PLIN5: variants seen among roughly 807,000 people sequenced by gnomAD.
PLIN5 encodes the protein perilipin-5.
In PLIN5, 34 loss-of-function variants were observed where a neutral mutation model predicts 32.8. That is an observed-to-expected ratio of 1.04 (90% CI 0.79 to 1.38). PLIN5 has a LOEUF of 1.38. PLIN5 is among the 40% of genes most tolerant of loss of function. The pLI, the probability that PLIN5 is intolerant of heterozygous loss-of-function variation, is 0.00. For synonymous variants in PLIN5, 309 were observed against 292.9 expected (o/e 1.05, Z -0.56); for missense variants, 712 against 660.5 (o/e 1.08, Z -0.85).
chr19:4,527,538 CAAA>C (rs1176219746), intron 5 of PLIN5, among the ~76,000 whole-genome samples: 93 of 29,664 alleles, frequency 3.1e-3, no homozygotes, highest in African/African-American at 0.011. Context: ...GACTCCACTT[CAAA>C]AAAAAAAAAA....
In PLIN5 at chr19:4,524,986, G is replaced by C; in HGVS notation, c.811C>G (p.Pro271Ala). The C allele has an allele frequency of 6.5e-7, 1 of 1,529,018 alleles. No homozygotes were observed. The highest frequency in any genetic ancestry group is 8.8e-7 in the Non-Finnish European group (1 of 1,138,332). 94.7% of individuals were successfully genotyped at this position (1,529,018 alleles called of 1,614,324 possible). A position where few individuals can be genotyped will look rare whatever the true frequency, so the allele number is the denominator to read the frequency against. Residue 271 changes from proline to alanine, a missense_variant, in exon 7 of 8, where the codon CCG (proline) becomes GCG (alanine). Physicochemically the swap from Pro to Ala is conservative, Grantham distance 27. Coordinates refer to ENST00000381848, the MANE Select transcript of PLIN5 (RefSeq NM_001013706.3). ...ACCTGGCTCCGGCGGCGGCTCTCCG[G>C]AGGGCGCTGGCCCCATTCCCCCCAC... ...ELWGEWGQRP[P>A]ESRRRSQAEL...
At position 4,529,154 on chromosome 19, in the gene PLIN5, C is replaced by T. The variant is rs201819147; in HGVS notation, c.439G>A (p.Val147Met). 2.5e-4 allele frequency: 407 copies of T among 1,613,344 alleles called. No individual in the cohort carries two copies. Among genetic ancestry groups the T allele is most frequent in the African/African-American group, 1.9e-4 (14 of 75,028 alleles). The stretch of plus-strand genomic sequence containing the variant: ...AGTACAACATCCACAGCATGGCTCA[C>T]GGAGCGCTTCAGCTCCACGCTCCAG... ...RRWSVELKRS[V>M]SHAVDVVLEK... Residue 147 changes from valine to methionine, a missense_variant, in exon 5 of 8, where the codon GTG becomes ATG. Physicochemically the swap from Val to Met is conservative, Grantham distance 21. Transcript: ENST00000381848.
chr19:4,523,801 C>T lies in PLIN5; in HGVS notation c.1119G>A (p.Trp373Ter), dbSNP rs1469964908. The T allele has an allele frequency of 6.3e-7, 1 of 1,596,316 alleles. No individual in the cohort carries two copies. Residue 373 changes from tryptophan (W) to a stop codon, truncating the protein, a stop_gained, in exon 8 of 8, where the codon TGG (tryptophan) becomes TGA (stop). Coordinates refer to ENST00000381848, the MANE Select transcript of PLIN5 (RefSeq NM_001013706.3). LOFTEE classifies it low-confidence loss of function (END_TRUNC). The surrounding 1 kb of genome is among the most constrained non-coding windows in gnomAD (Gnocchi z 5.0). Reference protein sequence around the residue: ...ELVVQAVPLPWLVGPFAPILV... With the variant: ...ELVVQAVPLP ...GGATGGGCGCGAAGGGTCCCACCAG[C>T]CAGGGCAGCGGCACGGCCTGCACCA...
chr19:4,526,268 C>T (rs936029761), intron 5 of PLIN5, among the ~76,000 whole-genome samples: 2 of 152,088 alleles, frequency 1.3e-5, no homozygotes, highest in African/African-American at 4.8e-5. Context: ...GTCCCCTAGG[C>T]TGGAGTGCAG....
At position 4,529,451 on chromosome 19, in the gene PLIN5, C is replaced by T. The variant is rs145830985; in HGVS notation, c.340-198G>A. On this transcript the variant is annotated intron_variant, in intron 4 of 7. Transcript: ENST00000381848. ...GAGTTAACTGCCCTTACTAGCAATA[C>T]ATATGTATACACACATACATATACA... The T allele has an allele frequency of 2.2e-3, 1,334 of 593,704 alleles. 21 individuals are homozygous for T. In the East Asian group the frequency reaches 0.032, roughly 14 times the overall value. 36.8% of individuals were successfully genotyped at this position (593,704 alleles called of 1,614,324 possible).
intron 7 of PLIN5, among the ~76,000 whole-genome samples, chr19:4,524,599 G>A (rs375423270): frequency 1.1e-4 from 17 of 152,136 alleles, no homozygotes; most frequent in East Asian, 9.6e-4. Flanking sequence ...TGGTTTCTAG[G>A]CTATAGGTTC....
At chr19:4,530,120 GGA>G (rs777943544) in intron 3 of PLIN5, among the ~76,000 whole-genome samples, 8 of 152,270 alleles carry the variant, frequency 5.3e-5, no homozygotes, top group Non-Finnish European at 7.4e-5. Context: ...TGTGGCGCCT[GGA>G]GAGAGAGTCT....
At position 4,525,010 on chromosome 19, in the gene PLIN5, A is replaced by C. The variant is rs995520124; in HGVS notation, c.787T>G (p.Trp263Gly). The change falls in exon 7 of 8, where the codon TGG becomes GGG. Residue 263 changes from tryptophan (W) to glycine (G), a missense_variant. By Grantham distance (184) the Trp-to-Gly change is radical (BLOSUM62 -2). Transcript: ENST00000381848. The surrounding 1 kb of genome is among the most constrained non-coding windows in gnomAD (Gnocchi z 5.6). ...PACPGKVHEL[W>G]GEWGQRPPES... ...GGAGGGCGCTGGCCCCATTCCCCCCACAGCTCGTGCACCTTCCCAGGGCAG... is the reference window on the plus strand; with the variant it reads ...GGAGGGCGCTGGCCCCATTCCCCCCCCAGCTCGTGCACCTTCCCAGGGCAG... The C allele has an allele frequency of 1.3e-6, 2 of 1,510,536 alleles. No homozygotes were observed. The highest frequency in any genetic ancestry group is 1.8e-6 in the Non-Finnish European group (2 of 1,129,848). The allele number at this position is 1,510,536 out of a possible 1,614,324, so 93.6% of individuals were successfully genotyped here.
chr19:4,524,603 T>C (rs978380410), intron 7 of PLIN5, among the ~76,000 whole-genome samples: 1 of 151,838 alleles, frequency 6.6e-6, no homozygotes, highest in Non-Finnish European at 1.5e-5. Context: ...TTCTAGGCTA[T>C]AGGTTCAGGG....
intron 7 of PLIN5, 56 bp from the exon 8 acceptor site, chr19:4,524,141 C>G: frequency 4.4e-6 from 6 of 1,378,950 alleles, no homozygotes; most frequent in Non-Finnish European, 5.6e-6. Flanking sequence ...GACTGCTGTC[C>G]TGCCTCGGTT....
chr19:4,529,519 TACAC>T (rs1283836609), intron 4 of PLIN5: 2 of 507,384 alleles, frequency 3.9e-6, no homozygotes, highest in Non-Finnish European at 7.0e-6. Context: ...CATGTATATA[TACAC>T]ATATACATAT....
At chr19:4,527,086 T>A (rs1371705676) in intron 5 of PLIN5, among the ~76,000 whole-genome samples, 2 of 151,516 alleles carry the variant, frequency 1.3e-5, no homozygotes, top group Non-Finnish European at 2.9e-5. Flanking sequence ...AAAAAAATTT[T>A]TTTTTTTGAG....
intron 7 of PLIN5, 96 bp from the exon 8 acceptor site, chr19:4,524,181 A>G: frequency 8.0e-7 from 1 of 1,244,448 alleles, no homozygotes; most frequent in Non-Finnish European, 1.0e-6. Context: ...GGAGCTGTCA[A>G]CCTGTCTCAT....
In PLIN5 at chr19:4,525,925, A is replaced by T; in HGVS notation, c.521-93T>A. The T allele has an allele frequency of 1.8e-6, 1 of 571,360 alleles. No individual in the cohort carries two copies. Among genetic ancestry groups the T allele is most frequent in the African/African-American group, 2.6e-5 (1 of 38,378 alleles). 35.4% of individuals were successfully genotyped at this position (571,360 alleles called of 1,614,324 possible). ...GACAGCACGGGGACAGGATACGGGG[A>T]CAGCACGGGGACAGGATACGGGGAC... is the stretch of plus-strand genomic sequence containing the variant. On this transcript the variant is annotated intron_variant, in intron 5 of 7. Transcript: ENST00000381848. The surrounding 1 kb of genome is among the most constrained non-coding windows in gnomAD (Gnocchi z 5.6).
chr19:4,526,938 A>G lies in PLIN5; in HGVS notation c.521-1106T>C, dbSNP rs180810281. Among the ~76,000 whole-genome samples, 10 of 152,098 alleles carry G rather than the reference A, an allele frequency of 6.6e-5. 1 individual carries two copies. In the East Asian group the frequency reaches 1.9e-3, roughly 30 times the overall value. ...CACACAAGATATGGTGGAAAAAAAT[A>G]AAAAGAATATATCATAGTCCAGGCA... On this transcript the variant is annotated intron_variant, in intron 5 of 7. Transcript: ENST00000381848.
chr19:4,533,732 C>A, intron 2 of PLIN5: 1 of 520,396 alleles, frequency 1.9e-6, no homozygotes, highest in Non-Finnish European at 3.4e-6. Flanking sequence ...GACGTGGAGA[C>A]AGAAGGATAC....
In PLIN5 at chr19:4,525,163, C is replaced by G; in HGVS notation, c.721-87G>C. On this transcript the variant is annotated intron_variant, in intron 6 of 7. Transcript: ENST00000381848. The surrounding 1 kb of genome is among the most constrained non-coding windows in gnomAD (Gnocchi z 5.6). ...TGGGGTCCAGGACCACTGATCTGGC[C>G]TCAGTAAGCATTTAGGAGACCGAGG... 1.2e-6 allele frequency: 1 copy of G among 819,026 alleles called. No homozygotes were observed. Among genetic ancestry groups the G allele is most frequent in the Non-Finnish European group, 1.8e-6 (1 of 547,708 alleles). The allele number at this position is 819,026 out of a possible 1,614,324, so 50.7% of individuals were successfully genotyped here.
intron 3 of PLIN5, among the ~76,000 whole-genome samples, chr19:4,530,095 G>A (rs1346499421): frequency 1.3e-5 from 2 of 152,178 alleles, no homozygotes; most frequent in East Asian, 3.8e-4. Flanking sequence ...CACCAAAGAC[G>A]CTGGGGCAGA....
At chr19:4,533,983 T>C (rs1237528770) in intron 2 of PLIN5, 32 bp downstream of exon 2, 1 of 1,604,288 alleles carries the variant, frequency 6.2e-7, no homozygotes, top group Non-Finnish European at 8.5e-7. Context: ...CAATACCTTC[T>C]GTCCCTGCTC....
Sources: allele counts gnomAD v4.1 joint callset (sites outside exome capture counted in the v4.1 genomes callset), GRCh38; gene constraint gnomAD v4.1.1; non-coding constraint Gnocchi (gnomAD v3.1); transcripts MANE v1.5; gene names NCBI Gene and HGNC (gene_info 2026-07-23, HGNC 2026-07-21).